Variants in SLC4A4 observed in about 807,000 individuals in gnomAD.
SLC4A4 encodes the protein electrogenic sodium bicarbonate cotransporter 1.
SLC4A4 carries 27 observed loss-of-function variants against 111.5 expected under a neutral mutation model. The ratio of observed to expected loss-of-function variants is 0.24; its 90% confidence interval spans 0.18 to 0.33. The LOEUF is 0.33. Among genes scored for constraint, SLC4A4 ranks in the 10% least tolerant of loss-of-function variants. SLC4A4 has a pLI of 1.00. For missense variants in SLC4A4, 909 were observed against 1,315.5 expected (o/e 0.69, Z 4.78); for synonymous variants, 443 against 463.4 (o/e 0.96, Z 0.57).
At chr4:71,501,654 A>G (rs1730934958) in intron 16 of SLC4A4, among the ~76,000 whole-genome samples, 1 of 149,570 alleles carries the variant, frequency 6.7e-6, no homozygotes, top group Non-Finnish European at 1.5e-5. Context: ...TAATTAGTTA[A>G]TATTTTTTGT....
chr4:71,539,271 CA>C (rs1192174233), intron 18 of SLC4A4, among the ~76,000 whole-genome samples: 6 of 151,982 alleles, frequency 3.9e-5, no homozygotes, highest in African/African-American at 1.4e-4. Flanking sequence ...TGCTTCATTC[CA>C]AAAGCCTTCA....
intron 15 of SLC4A4, among the ~76,000 whole-genome samples, chr4:71,490,053 G>T (rs1729760885): frequency 6.6e-6 from 1 of 151,758 alleles, no homozygotes; most frequent in Admixed American, 6.6e-5. Context: ...TTGTTGGAAT[G>T]GTGTCTTTAT....
At chr4:71,377,458 A>G (rs544088885) in intron 6 of SLC4A4, among the ~76,000 whole-genome samples, 2 of 152,220 alleles carry the variant, frequency 1.3e-5, no homozygotes, top group African/African-American at 4.8e-5. Flanking sequence ...TGGAGTAGGA[A>G]TGGTTTTGTT....
intron 18 of SLC4A4, among the ~76,000 whole-genome samples, chr4:71,536,465 C>CATATATACATATATATATATATATAT (rs1491113972): frequency 9.8e-5 from 4 of 40,696 alleles, no homozygotes; most frequent in South Asian, 1.1e-3. Flanking sequence ...TACATATATA[C>CATATATACATATATATATATATATAT]ATATATATAT....
At chr4:71,144,264 C>T (rs1345659677) in intron 2 of SLC4A4, among the ~76,000 whole-genome samples, 8 of 152,012 alleles carry the variant, frequency 5.3e-5, no homozygotes, top group African/African-American at 7.2e-5. Flanking sequence ...TGTAGATATG[C>T]GGCATTATTT....
intron 12 of SLC4A4, among the ~76,000 whole-genome samples, chr4:71,463,370 T>C (rs1727015797): frequency 6.6e-6 from 1 of 152,220 alleles, no homozygotes; most frequent in African/African-American, 2.4e-5. Context: ...TAAATTGCTT[T>C]AAACTTTACA....
intron 2 of SLC4A4, among the ~76,000 whole-genome samples, chr4:71,164,634 T>C (rs868769877): frequency 2.3e-4 from 35 of 152,092 alleles, no homozygotes; most frequent in African/African-American, 8.0e-4. Context: ...ATTCAGGACA[T>C]AGGCATGGGC....
intron 1 of SLC4A4, among the ~76,000 whole-genome samples, chr4:71,078,691 A>C (rs1277327946): frequency 6.6e-6 from 1 of 152,164 alleles, no homozygotes; most frequent in African/African-American, 2.4e-5. Flanking sequence ...CTCCCGTAGA[A>C]CCCCATCTGA....
intron 2 of SLC4A4, among the ~76,000 whole-genome samples, chr4:71,176,311 G>A (rs1745092772): frequency 1.3e-5 from 2 of 152,310 alleles, no homozygotes; most frequent in South Asian, 4.1e-4. Flanking sequence ...CACTAGCAAT[G>A]GAACAAAGCT....
intron 6 of SLC4A4, among the ~76,000 whole-genome samples, chr4:71,363,800 C>T (rs1276883555): frequency 6.6e-6 from 1 of 152,054 alleles, no homozygotes; most frequent in Non-Finnish European, 1.5e-5. Context: ...TGACCAGAAC[C>T]CAAATAACGA....
At chr4:71,466,166 CA>C (rs1473968022) in intron 12 of SLC4A4, among the ~76,000 whole-genome samples, 1 of 152,096 alleles carries the variant, frequency 6.6e-6, no homozygotes, top group Non-Finnish European at 1.5e-5. Flanking sequence ...GGATCGGAGC[CA>C]CCTTTTGCCT....
chr4:71,164,908 T>G (rs1744703195), intron 2 of SLC4A4, among the ~76,000 whole-genome samples: 1 of 152,102 alleles, frequency 6.6e-6, no homozygotes, highest in South Asian at 2.1e-4. Context: ...GAACAGACAC[T>G]TCTCAAAAGA....
intron 3 of SLC4A4, among the ~76,000 whole-genome samples, chr4:71,278,570 C>G (rs1723252956): frequency 6.6e-6 from 1 of 152,292 alleles, no homozygotes; most frequent in South Asian, 2.1e-4. Context: ...CCACCAATGT[C>G]TAAGGGTTCC....
chr4:71,303,941 C>A (rs1040881955), intron 3 of SLC4A4, among the ~76,000 whole-genome samples: 2 of 152,142 alleles, frequency 1.3e-5, no homozygotes, highest in African/African-American at 4.8e-5. Context: ...TGATTCTGTC[C>A]TAGGCCTATT....
chr4:71,267,564 G>C (rs1040594025), intron 3 of SLC4A4, among the ~76,000 whole-genome samples: 4 of 151,994 alleles, frequency 2.6e-5, no homozygotes, highest in African/African-American at 9.7e-5. Flanking sequence ...AATGGCCAAG[G>C]TGGGTGGATC....
At chr4:71,115,033 G>GT (rs1285522678) in intron 2 of SLC4A4, among the ~76,000 whole-genome samples, 1 of 144,396 alleles carries the variant, frequency 6.9e-6, no homozygotes, top group Admixed American at 7.1e-5. Flanking sequence ...CATGTCCTTT[G>GT]TAGGGACATG....
chr4:71,192,182 A>G (rs1480602700), intron 1 of SLC4A4, among the ~76,000 whole-genome samples: 1 of 152,140 alleles, frequency 6.6e-6, no homozygotes, highest in East Asian at 1.9e-4. Context: ...CTTGTGGGAT[A>G]TGGACTTCTA....
intron 16 of SLC4A4, among the ~76,000 whole-genome samples, chr4:71,506,342 T>A (rs1328160817): frequency 6.6e-6 from 1 of 152,198 alleles, no homozygotes; most frequent in Non-Finnish European, 1.5e-5. Flanking sequence ...TGCTCTTCCA[T>A]TTTTTTCTGT....
intron 4 of SLC4A4, among the ~76,000 whole-genome samples, chr4:71,342,729 G>T (rs1020624297): frequency 2.6e-5 from 4 of 152,156 alleles, no homozygotes; most frequent in African/African-American, 9.7e-5. Context: ...GTCCCAGAAA[G>T]GTAGAGAGAT....
Sources: allele counts gnomAD v4.1 joint callset (sites outside exome capture counted in the v4.1 genomes callset), GRCh38; gene constraint gnomAD v4.1.1; transcripts MANE v1.5; gene names NCBI Gene and HGNC (gene_info 2026-07-23, HGNC 2026-07-21).